GULP1: variants seen among roughly 807,000 people sequenced by gnomAD.
The protein encoded by GULP1 is PTB domain-containing engulfment adapter protein 1.
A neutral mutation model predicts 40.9 loss-of-function variants in GULP1; 19 were observed. The observed-to-expected ratio is 0.46, with a 90% CI of 0.32 to 0.68. GULP1 has a LOEUF of 0.68. Ranked by LOEUF, GULP1 falls within the 30% of genes least tolerant of loss-of-function variation. The pLI, the probability that GULP1 is intolerant of heterozygous loss-of-function variation, is 0.03. For missense variants in GULP1, 312 were observed against 362.2 expected (o/e 0.86, Z 1.12); for synonymous variants, 119 against 117.6 (o/e 1.01, Z -0.08).
At chr2:188,554,304 T>A (rs571708002) in intron 7 of GULP1, among the ~76,000 whole-genome samples, 31 of 152,132 alleles carry the variant, frequency 2.0e-4, no homozygotes, top group African/African-American at 7.0e-4. Flanking sequence ...ACGTTCCTCT[T>A]AGCACTGCTT....
At chr2:188,383,392 A>G (rs924179893) in intron 1 of GULP1, among the ~76,000 whole-genome samples, 14 of 152,204 alleles carry the variant, frequency 9.2e-5, no homozygotes, top group African/African-American at 3.4e-4. Context: ...ATCATCATGA[A>G]CAGGGTATGT....
chr2:188,466,967 A>C (rs906584711), intron 2 of GULP1, among the ~76,000 whole-genome samples: 9 of 152,010 alleles, frequency 5.9e-5, no homozygotes, highest in Non-Finnish European at 1.0e-4. Context: ...TGATTCACTC[A>C]GTTAAGAAGA....
intron 1 of GULP1, among the ~76,000 whole-genome samples, chr2:188,377,491 A>G (rs1050943885): frequency 5.9e-5 from 9 of 152,196 alleles, no homozygotes; most frequent in African/African-American, 2.2e-4. Flanking sequence ...TGTATGACTT[A>G]GGAGAATTGG....
chr2:188,416,096 G>A (rs1232576620), intron 2 of GULP1, among the ~76,000 whole-genome samples: 1 of 152,074 alleles, frequency 6.6e-6, no homozygotes, highest in African/African-American at 2.4e-5. Context: ...TATCTTTCTA[G>A]CATTTCTTAT....
At chr2:188,576,255 A>C (rs931083588) in intron 9 of GULP1, among the ~76,000 whole-genome samples, 2 of 152,120 alleles carry the variant, frequency 1.3e-5, no homozygotes, top group African/African-American at 2.4e-5. Flanking sequence ...GAGTGAAAAA[A>C]AAAAGCTTGT....
intron 4 of GULP1, among the ~76,000 whole-genome samples, chr2:188,493,892 G>T (rs2062647045): frequency 6.6e-6 from 1 of 151,976 alleles, no homozygotes; most frequent in Non-Finnish European, 1.5e-5. Context: ...ACTGGCCCCT[G>T]GTAGAGTCAG....
rs773083770 is a variant in GULP1, at chr2:188,594,003, A to G, written c.907A>G (p.Arg303Gly). 1 of 1,575,712 alleles carries G rather than the reference A, an allele frequency of 6.3e-7. No homozygotes were observed. The highest frequency in any genetic ancestry group is 8.7e-7 in the Non-Finnish European group (1 of 1,146,312). The stretch of plus-strand genomic sequence containing the variant: ...ATTTTGTCTCGACCCGTTAGACAGT[A>G]GGTGCTGACATCAAGAACAAGAAAT... ...TVFCLDPLDS[R>G]C Residue 303 changes from arginine to glycine, a missense_variant, in exon 12 of 12, where the codon AGG (arginine) becomes GGG (glycine). Coordinates refer to ENST00000409830, the MANE Select transcript of GULP1 (RefSeq NM_016315.4).
intron 1 of GULP1, among the ~76,000 whole-genome samples, chr2:188,343,331 ATACT>A (rs1163030602): frequency 6.6e-6 from 1 of 151,946 alleles, no homozygotes; most frequent in African/African-American, 2.4e-5. Context: ...TGATCTATAC[ATACT>A]TAAAGCAATC....
At chr2:188,395,711 A>G (rs1421811748) in intron 2 of GULP1, among the ~76,000 whole-genome samples, 1 of 152,048 alleles carries the variant, frequency 6.6e-6, no homozygotes, top group African/African-American at 2.4e-5. Context: ...TAAAGACAAG[A>G]CTATAGTGAA....
intron 4 of GULP1, among the ~76,000 whole-genome samples, chr2:188,502,271 T>G (rs2153160075): frequency 6.6e-6 from 1 of 152,014 alleles, no homozygotes; most frequent in South Asian, 2.1e-4. Context: ...TTGTCCTGAT[T>G]TACTCTATGG....
chr2:188,332,911 G>T (rs1303973257), intron 1 of GULP1, among the ~76,000 whole-genome samples: 1 of 152,068 alleles, frequency 6.6e-6, no homozygotes, highest in South Asian at 2.1e-4. Context: ...AAAGAGCTTG[G>T]ATAAGTAGCT....
intron 4 of GULP1, among the ~76,000 whole-genome samples, chr2:188,496,834 T>C (rs2062942741): frequency 6.6e-6 from 1 of 151,928 alleles, no homozygotes; most frequent in Admixed American, 6.6e-5. Context: ...CTTGATGTTG[T>C]CCTGGCGAGA....
chr2:188,567,081 G>T (rs1016771523), intron 7 of GULP1, among the ~76,000 whole-genome samples: 1 of 151,970 alleles, frequency 6.6e-6, no homozygotes, highest in South Asian at 2.1e-4. Flanking sequence ...CCACAATGAG[G>T]TACCATCTCA....
chr2:188,520,120 C>T (rs2065590618), intron 4 of GULP1, among the ~76,000 whole-genome samples: 1 of 152,160 alleles, frequency 6.6e-6, no homozygotes, highest in Admixed American at 6.5e-5. Flanking sequence ...ATTTCTCATT[C>T]ACTTTGGTCT....
At chr2:188,480,452 T>C (rs1473483196) in intron 3 of GULP1, among the ~76,000 whole-genome samples, 2 of 151,370 alleles carry the variant, frequency 1.3e-5, no homozygotes, top group East Asian at 1.9e-4. Context: ...CTAAACATAA[T>C]TGTGTTTTTT....
intron 1 of GULP1, among the ~76,000 whole-genome samples, chr2:188,329,676 G>C (rs2152031335): frequency 6.6e-6 from 1 of 152,208 alleles, no homozygotes; most frequent in East Asian, 1.9e-4. Flanking sequence ...TGTCACTTTT[G>C]CTACTATTTG....
intron 10 of GULP1, among the ~76,000 whole-genome samples, chr2:188,587,333 ATT>A (rs1702598419): frequency 6.6e-6 from 1 of 152,098 alleles, no homozygotes. Context: ...GAAAGGTGAC[ATT>A]TCATACTACA....
rs548643193 is a variant in GULP1, at chr2:188,367,378, A to G, written c.-171-16385A>G. On this transcript the variant is annotated intron_variant, in intron 1 of 11. Coordinates refer to ENST00000409830, the MANE Select transcript of GULP1 (RefSeq NM_016315.4). ...GTAAATAGAAGCAGCTTGATGTCCA[A>G]GGTTTCCCAAGACTACCTCCAGGTG... is the stretch of plus-strand genomic sequence containing the variant. Among the ~76,000 whole-genome samples, 10 of 152,324 alleles carry G rather than the reference A, an allele frequency of 6.6e-5. No homozygotes were observed. In the South Asian group the frequency reaches 1.7e-3, roughly 25 times the overall value.
intron 6 of GULP1, among the ~76,000 whole-genome samples, chr2:188,533,882 A>G (rs116343167): frequency 0.021 from 3,196 of 152,318 alleles, 103 homozygotes; most frequent in African/African-American, 0.073. Context: ...CATGAAAAAA[A>G]TGCTCCGCAT....
Sources: allele counts gnomAD v4.1 joint callset (sites outside exome capture counted in the v4.1 genomes callset), GRCh38; gene constraint gnomAD v4.1.1; transcripts MANE v1.5; gene names NCBI Gene and HGNC (gene_info 2026-07-23, HGNC 2026-07-21).